The following XYLT1 variants were observed in gnomAD, a reference collection of about 807,000 sequenced individuals.
XYLT1 encodes the protein beta-D-xylosyltransferase 1.
In XYLT1, 36 loss-of-function variants were observed where a neutral mutation model predicts 91.3. The ratio of observed to expected loss-of-function variants is 0.39; its 90% CI spans 0.30 to 0.52. The LOEUF (loss-of-function observed/expected upper bound fraction) is 0.52, where lower values mean the gene tolerates loss of function less well. XYLT1 is among the 20% of genes least tolerant of loss of function. The pLI is 0.68. For synonymous variants in XYLT1, 588 were observed against 532.0 expected (o/e 1.11, Z -1.45); for missense variants, 1,242 against 1,284.5 (o/e 0.97, Z 0.51).
chr16:17,369,545 C>T (rs558206105), intron 1 of XYLT1: 1 of 152,158 alleles, frequency 6.6e-6, no homozygotes, highest in Admixed American at 6.5e-5. Context: ...ACCCCTCCCC[C>T]ACAAAGGAAG....
intron 7 of XYLT1, 120 bp downstream of exon 7, chr16:17,141,033 G>A (rs987229077): frequency 1.1e-6 from 1 of 933,138 alleles, no homozygotes; most frequent in Non-Finnish European, 1.7e-6. Context: ...GGATGTCTGG[G>A]TGTGTAGAGG....
chr16:17,420,280 A>G (rs934215623), intron 1 of XYLT1, among the ~76,000 whole-genome samples: 6 of 152,222 alleles, frequency 3.9e-5, no homozygotes, highest in Admixed American at 2.6e-4. Flanking sequence ...CCTATAAATT[A>G]TATTTTTAAA....
chr16:17,328,076 C>T (rs1221722974), intron 2 of XYLT1, among the ~76,000 whole-genome samples: 4 of 152,086 alleles, frequency 2.6e-5, no homozygotes, highest in African/African-American at 4.8e-5. Flanking sequence ...AACCACAGAC[C>T]ACGTAACCTC....
rs937672768 is a variant in XYLT1, at chr16:17,157,191, G to A, written c.1370+1638C>T. Among the ~76,000 whole-genome samples, 4 of 151,950 alleles carry A rather than the reference G, an allele frequency of 2.6e-5. No homozygotes were observed. The East Asian group carries it at 5.8e-4, about 22-fold the overall frequency. ...TCGAACTCCAGACCTCAGGTGATCC[G>A]CCTGCCTCACCCTCCCAAAGTTCTG... On this transcript the variant is annotated intron_variant, in intron 6 of 11. Transcript: ENST00000261381.
intron 1 of XYLT1, among the ~76,000 whole-genome samples, chr16:17,441,814 T>C (rs2036535811): frequency 6.6e-6 from 1 of 152,180 alleles, no homozygotes; most frequent in African/African-American, 2.4e-5. Flanking sequence ...TCCAGCTCTC[T>C]ACAATAACCC....
At position 17,201,591 on chromosome 16, in the gene XYLT1, G is replaced by T. The variant is rs565614158; in HGVS notation, c.914-937C>A. Among the ~76,000 whole-genome samples, 12 of 151,120 alleles carry T rather than the reference G, an allele frequency of 7.9e-5. No individual in the cohort carries two copies. In the South Asian group the frequency reaches 1.7e-3, roughly 21 times the overall value. ...TCAGGTTCAAGTGATTTTCCTGCCT[G>T]AGCCTCCTGAGTAGCTGAGATTACA... On this transcript the variant is annotated intron_variant, in intron 3 of 11. Coordinates refer to ENST00000261381, the MANE Select transcript of XYLT1 (RefSeq NM_022166.4).
At chr16:17,443,965 C>G (rs1438111424) in intron 1 of XYLT1, among the ~76,000 whole-genome samples, 1 of 152,156 alleles carries the variant, frequency 6.6e-6, no homozygotes, top group African/African-American at 2.4e-5. Context: ...TATTTTCACC[C>G]ACTGACCCCT....
At chr16:17,159,732 T>TGCCA (rs1376085271) in intron 5 of XYLT1, among the ~76,000 whole-genome samples, 1 of 152,264 alleles carries the variant, frequency 6.6e-6, no homozygotes, top group Non-Finnish European at 1.5e-5. Context: ...GTGACATCGT[T>TGCCA]GCCAGCATTG....
intron 1 of XYLT1, among the ~76,000 whole-genome samples, chr16:17,438,469 G>GT (rs1314574151): frequency 1.6e-4 from 24 of 152,116 alleles, no homozygotes; most frequent in Non-Finnish European, 2.6e-4. Flanking sequence ...CATACGCTAC[G>GT]TAAGAGTGGA....
chr16:17,342,538 A>G (rs2141848130), intron 2 of XYLT1, among the ~76,000 whole-genome samples: 1 of 152,294 alleles, frequency 6.6e-6, no homozygotes, highest in Non-Finnish European at 1.5e-5. Context: ...CCGGGCCAAC[A>G]TGGTGAAACC....
intron 1 of XYLT1, among the ~76,000 whole-genome samples, chr16:17,381,806 T>C (rs550025550): frequency 9.1e-4 from 139 of 152,286 alleles, no homozygotes; most frequent in Non-Finnish European, 1.7e-3. Context: ...GTCTATGAAA[T>C]TGATTCTAAA....
At chr16:17,417,199 T>G (rs1228371633) in intron 1 of XYLT1, among the ~76,000 whole-genome samples, 10 of 152,226 alleles carry the variant, frequency 6.6e-5, no homozygotes, top group Admixed American at 6.5e-5. Context: ...AACATCACTG[T>G]GCAAGGCTCT....
intron 5 of XYLT1, among the ~76,000 whole-genome samples, chr16:17,171,873 A>C (rs1357279215): frequency 6.6e-6 from 1 of 152,276 alleles, no homozygotes; most frequent in Non-Finnish European, 1.5e-5. Flanking sequence ...AAATCATTTA[A>C]AAAACGGCCA....
At chr16:17,196,060 G>T (rs1211322819) in intron 5 of XYLT1, among the ~76,000 whole-genome samples, 1 of 152,104 alleles carries the variant, frequency 6.6e-6, no homozygotes, top group Non-Finnish European at 1.5e-5. Context: ...ATTTTTCTCA[G>T]GTTCAAGGAT....
intron 1 of XYLT1, among the ~76,000 whole-genome samples, chr16:17,469,306 T>C (rs1329207365): frequency 6.6e-6 from 1 of 152,204 alleles, no homozygotes; most frequent in Non-Finnish European, 1.5e-5. Context: ...GTGTCTAATA[T>C]CCTTTAACGG....
intron 11 of XYLT1, among the ~76,000 whole-genome samples, chr16:17,115,764 G>A (rs1403878904): frequency 8.6e-6 from 1 of 115,692 alleles, no homozygotes; most frequent in Non-Finnish European, 1.6e-5. Context: ...GGGATTACAC[G>A]TGTAAACCAT....
rs768961154 is a variant in XYLT1, at chr16:17,358,059, T to C, written c.364-9A>G. On this transcript the variant is annotated splice_polypyrimidine_tract_variant and intron_variant, in intron 1 of 11. Transcript: ENST00000261381. The stretch of plus-strand genomic sequence containing the variant: ...GGACTTGGGTGTGGATCCTGTAGGA[T>C]GAAAGGAGAAAATGCACGTGAGGAG... The C allele has an allele frequency of 5.6e-6, 9 of 1,612,850 alleles. No homozygotes were observed. In the Admixed American group the frequency reaches 1.5e-4, roughly 27 times the overall value.
chr16:17,116,035 A>T (rs953331552), intron 11 of XYLT1, among the ~76,000 whole-genome samples: 4 of 151,540 alleles, frequency 2.6e-5, no homozygotes, highest in Admixed American at 6.6e-5. Flanking sequence ...TTTCATTTTT[A>T]AAAAATAGCA....
intron 1 of XYLT1, among the ~76,000 whole-genome samples, chr16:17,464,489 C>CA (rs34575069): frequency 0.051 from 6,169 of 119,858 alleles, 217 homozygotes; most frequent in African/African-American, 0.1. Context: ...AAAACTGTCT[C>CA]AAAAAAAAAA....
Sources: allele counts gnomAD v4.1 joint callset (sites outside exome capture counted in the v4.1 genomes callset), GRCh38; gene constraint gnomAD v4.1.1; transcripts MANE v1.5; gene names NCBI Gene and HGNC (gene_info 2026-07-23, HGNC 2026-07-21).